LRGUK: variants seen among roughly 807,000 people sequenced by gnomAD.
LRGUK encodes leucine rich repeats and guanylate kinase domain containing.
A neutral mutation model predicts 76.0 loss-of-function variants in LRGUK; 65 were observed. That is an observed-to-expected ratio of 0.85 (90% confidence interval 0.70 to 1.05). The LOEUF (loss-of-function observed/expected upper bound fraction) is 1.05, where lower values mean the gene tolerates loss of function less well. Ranked by LOEUF, LRGUK falls within the 50% of genes least tolerant of loss-of-function variation. The pLI, the probability that LRGUK is intolerant of heterozygous loss-of-function variation, is 0.00. For missense variants in LRGUK, 758 were observed against 732.8 expected (o/e 1.03, Z -0.40); for synonymous variants, 268 against 265.6 (o/e 1.01, Z -0.09).
chr7:134,178,062 A>G (rs1799556661), intron 9 of LRGUK, among the ~76,000 whole-genome samples: 1 of 152,212 alleles, frequency 6.6e-6, no homozygotes, highest in Admixed American at 6.5e-5. Flanking sequence ...TTCTTGGTGA[A>G]ATGGTATGAG....
In LRGUK at chr7:134,216,430, A is replaced by G. The variant is rs181172424; in HGVS notation, c.1844-5349A>G. On this transcript the variant is annotated intron_variant, in intron 15 of 19. Coordinates refer to the LRGUK transcript ENST00000285928. ...ATTGCAGTTGAGCAAAATATTACAA[A>G]AATCAAGAGGTTCTTCTATGGGCAT... is the stretch of plus-strand genomic sequence containing the variant. Among the ~76,000 whole-genome samples the G allele has an allele frequency of 7.7e-4, 117 of 152,304 alleles. 1 individual carries two copies. Among genetic ancestry groups the G allele is most frequent in the African/African-American group, 2.6e-3 (109 of 41,586 alleles).
intron 8 of LRGUK, 31 bp from the exon 9 acceptor site, chr7:134,176,946 A>C: frequency 7.3e-7 from 1 of 1,377,954 alleles, no homozygotes; most frequent in East Asian, 2.3e-5. Flanking sequence ...AAAGGAAGGC[A>C]ACTGAACAGT....
At chr7:134,186,648 G>A (rs778544967) in intron 11 of LRGUK, among the ~76,000 whole-genome samples, 3 of 152,128 alleles carry the variant, frequency 2.0e-5, no homozygotes, top group Non-Finnish European at 2.9e-5. Flanking sequence ...TCATCCACTT[G>A]TTCATTCTTT....
intron 11 of LRGUK, among the ~76,000 whole-genome samples, chr7:134,185,419 G>C (rs1428225703): frequency 1.3e-5 from 2 of 151,822 alleles, no homozygotes; most frequent in Non-Finnish European, 2.9e-5. Flanking sequence ...AAATTAGCTG[G>C]GTGTGTTGGC....
exon 18 of LRGUK, chr7:134,248,989 A>T: frequency 6.3e-7 from 1 of 1,595,768 alleles, no homozygotes; most frequent in South Asian, 1.1e-5. Context: ...GGTCTACACT[A>T]TTATACAACT....
At chr7:134,137,080 G>A in exon 2 of LRGUK, 1 of 1,613,436 alleles carries the variant, frequency 6.2e-7, no homozygotes. Flanking sequence ...CCATCACTTG[G>A]GGCGCTCAGG....
intron 1 of LRGUK, among the ~76,000 whole-genome samples, chr7:134,135,265 T>G (rs997762365): frequency 5.9e-5 from 9 of 152,146 alleles, no homozygotes; most frequent in Non-Finnish European, 1.3e-4. Context: ...GTATGAGAGT[T>G]TGTGACAAAG....
chr7:134,132,849 G>A (rs1797370075), intron 1 of LRGUK, among the ~76,000 whole-genome samples: 1 of 152,188 alleles, frequency 6.6e-6, no homozygotes, highest in Non-Finnish European at 1.5e-5. Context: ...AGCTGAGAGG[G>A]TTAACATCTG....
chr7:134,146,878 A>C (rs1412410619), intron 4 of LRGUK, among the ~76,000 whole-genome samples: 1 of 152,198 alleles, frequency 6.6e-6, no homozygotes, highest in Non-Finnish European at 1.5e-5. Context: ...TTTTCCAGAA[A>C]ATGATTATAA....
intron 4 of LRGUK, among the ~76,000 whole-genome samples, chr7:134,145,417 T>A (rs1797927852): frequency 6.6e-6 from 1 of 152,068 alleles, no homozygotes; most frequent in African/African-American, 2.4e-5. Flanking sequence ...CTGGCTAATT[T>A]TGTACTTTTA....
At chr7:134,239,079 T>C (rs1310899915) in intron 16 of LRGUK, among the ~76,000 whole-genome samples, 3 of 152,208 alleles carry the variant, frequency 2.0e-5, no homozygotes, top group Non-Finnish European at 2.9e-5. Context: ...CCTTTAGAAG[T>C]TCCTATGACT....
chr7:134,227,244 C>T (rs549992962), intron 16 of LRGUK, among the ~76,000 whole-genome samples: 25 of 152,172 alleles, frequency 1.6e-4, no homozygotes, highest in African/African-American at 6.0e-4. Flanking sequence ...AGGACAATAA[C>T]ATCGAAGTAT....
chr7:134,232,330 G>A (rs558964910), intron 16 of LRGUK, among the ~76,000 whole-genome samples: 7 of 151,996 alleles, frequency 4.6e-5, no homozygotes, highest in African/African-American at 1.7e-4. Context: ...CCAGGCTGGA[G>A]TGCAATGGCA....
At chr7:134,147,833 G>A (rs1440128561) in intron 4 of LRGUK, among the ~76,000 whole-genome samples, 4 of 152,036 alleles carry the variant, frequency 2.6e-5, no homozygotes, top group South Asian at 2.1e-4. Context: ...AGGCTGAGGC[G>A]GGTGGATCAT....
At chr7:134,199,421 G>C in exon 14 of LRGUK, 1 of 1,607,272 alleles carries the variant, frequency 6.2e-7, no homozygotes, top group South Asian at 1.1e-5. Flanking sequence ...AATCAATGCA[G>C]GTTGGTAATT....
At chr7:134,164,267 A>T (rs1798877991) in intron 7 of LRGUK, among the ~76,000 whole-genome samples, 1 of 152,150 alleles carries the variant, frequency 6.6e-6, no homozygotes, top group African/African-American at 2.4e-5. Context: ...AAAAAGTTTT[A>T]AAAATGCAAA....
chr7:134,178,519 A>C (rs1328733361), exon 10 of LRGUK: 8 of 1,611,782 alleles, frequency 5.0e-6, no homozygotes, highest in Non-Finnish European at 6.8e-6. Context: ...GCAGTGAATA[A>C]ATATGATCCT....
At chr7:134,173,035 C>A (rs1429265494) in intron 7 of LRGUK, among the ~76,000 whole-genome samples, 2 of 151,870 alleles carry the variant, frequency 1.3e-5, no homozygotes, top group African/African-American at 4.8e-5. Flanking sequence ...AGATGGAATG[C>A]TAGAAGGAAA....
At position 134,238,009 on chromosome 7, in the gene LRGUK, A is replaced by C. The variant is rs943378742; in HGVS notation, c.1984-9547A>C. Among the ~76,000 whole-genome samples, 18 of 152,182 alleles carry C rather than the reference A, an allele frequency of 1.2e-4. 1 individual carries two copies. Among genetic ancestry groups the C allele is most frequent in the African/African-American group, 4.3e-4 (18 of 41,440 alleles). Reference sequence around the variant, plus strand: ...CAGTACTAATACCACCAGCACCCATAATGAAAACCAAAAAATAGTTAAAAA... The same window carrying C: ...CAGTACTAATACCACCAGCACCCATCATGAAAACCAAAAAATAGTTAAAAA... On this transcript the variant is annotated intron_variant, in intron 16 of 19. Transcript: ENST00000285928.
Sources: allele counts gnomAD v4.1 joint callset (sites outside exome capture counted in the v4.1 genomes callset), GRCh38; gene constraint gnomAD v4.1.1; transcripts MANE v1.5; gene names NCBI Gene and HGNC (gene_info 2026-07-23, HGNC 2026-07-21).